The following SEPHS1 variants were observed in gnomAD, a reference collection of about 807,000 sequenced individuals.
The protein encoded by SEPHS1 is zincore component SEPHS1.
A neutral mutation model predicts 39.2 loss-of-function variants in SEPHS1; 7 were observed. The ratio of observed to expected loss-of-function variants is 0.18; its 90% confidence interval spans 0.10 to 0.34. The LOEUF (loss-of-function observed/expected upper bound fraction) is 0.34. SEPHS1 is among the 10% of genes least tolerant of loss of function. SEPHS1 has a pLI of 1.00. For synonymous variants in SEPHS1, 190 were observed against 195.5 expected (o/e 0.97, Z 0.23); for missense variants, 253 against 514.5 (o/e 0.49, Z 4.92).
At chr10:13,325,170 C>T (rs957047306) in intron 7 of SEPHS1, among the ~76,000 whole-genome samples, 12 of 152,064 alleles carry the variant, frequency 7.9e-5, no homozygotes, top group Admixed American at 2.0e-4. Flanking sequence ...TTAATAAAGC[C>T]AAACTTAGCA....
At chr10:13,346,010 CTGA>C (rs376743397) in intron 1 of SEPHS1, among the ~76,000 whole-genome samples, 314 of 152,402 alleles carry the variant, frequency 2.1e-3, no homozygotes, top group African/African-American at 7.1e-3. Flanking sequence ...GGAAAGTTCT[CTGA>C]TGTTTTCACG....
intron 1 of SEPHS1, among the ~76,000 whole-genome samples, chr10:13,347,664 G>GGCCGCCGCC (rs767115383): frequency 6.8e-6 from 1 of 146,022 alleles, no homozygotes; most frequent in Non-Finnish European, 1.5e-5. Context: ...CGCGCGCACG[G>GGCCGCCGCC]GCCGCCGCCG....
At position 13,338,780 on chromosome 10, in the gene SEPHS1, A is replaced by G. The variant is rs1202859880; in HGVS notation, c.222T>C (p.Pro74=). 6.2e-7 allele frequency: 1 copy of G among 1,614,044 alleles called. No homozygotes were observed. The highest frequency in any genetic ancestry group is 1.3e-5 in the African/African-American group (1 of 74,940). ...CCAAGGAAAGCCCACCGTGCCTCAA[A>G]GGAATGACACAAGTATCCATTCCAA... ...LGIGMDTCVI[P]LRHGGLSLVQ... The change falls in exon 3 of 9, where the codon CCT becomes CCC. Residue 74 remains proline, a synonymous_variant. Coordinates refer to ENST00000327347, the MANE Select transcript of SEPHS1 (RefSeq NM_012247.5).
intron 1 of SEPHS1, among the ~76,000 whole-genome samples, chr10:13,346,437 C>G (rs1833923975): frequency 6.6e-6 from 1 of 152,134 alleles, no homozygotes; most frequent in Non-Finnish European, 1.5e-5. Flanking sequence ...GGCAGTAATC[C>G]AAACCGTCTT....
At chr10:13,338,078 C>T (rs916504924) in intron 3 of SEPHS1, among the ~76,000 whole-genome samples, 3 of 152,182 alleles carry the variant, frequency 2.0e-5, no homozygotes, top group Non-Finnish European at 2.9e-5. Flanking sequence ...GCTGCAACTA[C>T]GCAGTAAACA....
Position 13,332,607 on chromosome 10 carries a change from G to T in SEPHS1, c.560+1210C>A, listed in dbSNP as rs549946662. 5.3e-5 allele frequency among the ~76,000 whole-genome samples: 8 copies of T among 152,288 alleles called. No individual in the cohort carries two copies. The East Asian group carries it at 1.5e-3, about 29-fold the overall frequency. On this transcript the variant is annotated intron_variant, in intron 5 of 8. Coordinates refer to ENST00000327347, the MANE Select transcript of SEPHS1 (RefSeq NM_012247.5). ...GCCTGTAATCCCAGCACTTTGGGAGGCTGAGGCGGTCGGATCATGAGATCA... is the reference window on the plus strand; with the variant it reads ...GCCTGTAATCCCAGCACTTTGGGAGTCTGAGGCGGTCGGATCATGAGATCA...
At chr10:13,338,872 C>T (rs772479547) in intron 2 of SEPHS1, 64 bp from the exon 3 acceptor site, 20 of 1,175,072 alleles carry the variant, frequency 1.7e-5, no homozygotes, top group Middle Eastern at 1.9e-4. Flanking sequence ...TTTTATATCA[C>T]CAGTGCTCTG....
At chr10:13,336,101 A>G (rs1833624670) in intron 4 of SEPHS1, 142 bp downstream of exon 4, 3 of 544,754 alleles carry the variant, frequency 5.5e-6, no homozygotes. Context: ...GGTAACTGCC[A>G]AAAAGTGGAG....
intron 5 of SEPHS1, among the ~76,000 whole-genome samples, chr10:13,332,202 C>T (rs780429033): frequency 3.3e-5 from 5 of 152,186 alleles, no homozygotes; most frequent in Non-Finnish European, 7.3e-5. Flanking sequence ...GAAAGGAATG[C>T]GATACCGATT....
At chr10:13,346,548 A>C (rs1833927936) in intron 1 of SEPHS1, among the ~76,000 whole-genome samples, 1 of 152,224 alleles carries the variant, frequency 6.6e-6, no homozygotes, top group Admixed American at 6.5e-5. Context: ...CTCCCTGCCC[A>C]AAAAGAGCAG....
chr10:13,325,177 A>G (rs1391885603), intron 7 of SEPHS1, among the ~76,000 whole-genome samples: 2 of 152,240 alleles, frequency 1.3e-5, no homozygotes, highest in African/African-American at 4.8e-5. Flanking sequence ...AGCCAAACTT[A>G]GCAATTTTTT....
At chr10:13,341,304 G>A (rs1040162165) in intron 2 of SEPHS1, among the ~76,000 whole-genome samples, 1 of 152,116 alleles carries the variant, frequency 6.6e-6, no homozygotes, top group African/African-American at 2.4e-5. Flanking sequence ...CACAGGGTCG[G>A]GGAAGCCTTA....
At position 13,322,980 on chromosome 10, in the gene SEPHS1, G is replaced by C; in HGVS notation, c.819C>G (p.Gly273=). 1 of 1,614,050 alleles carries C rather than the reference G, an allele frequency of 6.2e-7. No individual in the cohort carries two copies. Among genetic ancestry groups the C allele is most frequent in the Non-Finnish European group, 8.5e-7 (1 of 1,180,006 alleles). Residue 273 remains glycine, a synonymous_variant, in exon 8 of 9, where the codon GGC becomes GGG. Coordinates refer to ENST00000327347, the MANE Select transcript of SEPHS1 (RefSeq NM_012247.5). Reference sequence around the variant, plus strand: ...GCTGCTTGGCCAGGTTCTGCGCATGGCCCAAAATCCCGAAGCCCGTGATGT... The same window carrying C: ...GCTGCTTGGCCAGGTTCTGCGCATGCCCCAAAATCCCGAAGCCCGTGATGT... The part of the protein sequence containing the change: ...ATDITGFGIL[G]HAQNLAKQQR...
chr10:13,329,593 T>C, intron 6 of SEPHS1, 105 bp downstream of exon 6: 2 of 772,400 alleles, frequency 2.6e-6, no homozygotes, highest in Non-Finnish European at 4.4e-6. Context: ...TAATATTAAC[T>C]CCCTGGATAT....
intron 5 of SEPHS1, among the ~76,000 whole-genome samples, chr10:13,333,216 C>T (rs955594447): frequency 7.2e-5 from 11 of 151,906 alleles, no homozygotes; most frequent in Admixed American, 6.6e-4. Flanking sequence ...TCACTGCAGC[C>T]GCAGCCTCCT....
intron 7 of SEPHS1, among the ~76,000 whole-genome samples, chr10:13,326,155 T>C (rs1037841737): frequency 3.3e-5 from 5 of 152,004 alleles, no homozygotes; most frequent in African/African-American, 4.8e-5. Flanking sequence ...TTTTCTCCAA[T>C]GAATTGCCTT....
At chr10:13,338,945 C>A in intron 2 of SEPHS1, 137 bp from the exon 3 acceptor site, 1 of 687,930 alleles carries the variant, frequency 1.5e-6, no homozygotes, top group East Asian at 2.6e-5. Context: ...CATGTGTTTC[C>A]TATCAAGAAG....
intron 7 of SEPHS1, among the ~76,000 whole-genome samples, chr10:13,325,895 CAAAAAAAAAAAAAAAAAAAAAAA>C (rs562038894): frequency 1.9e-4 from 5 of 26,452 alleles, no homozygotes; most frequent in Non-Finnish European, 2.9e-4. Context: ...GACTCCGTCT[CAAAAAAAAAAAAAAAAAAAAAAA>C]AAAAAAAAAA....
At chr10:13,347,013 G>A (rs997240132) in intron 1 of SEPHS1, among the ~76,000 whole-genome samples, 2 of 152,212 alleles carry the variant, frequency 1.3e-5, no homozygotes, top group African/African-American at 4.8e-5. Flanking sequence ...TGGGAAGGGG[G>A]AGGGGGTTCT....
Sources: allele counts gnomAD v4.1 joint callset (sites outside exome capture counted in the v4.1 genomes callset), GRCh38; gene constraint gnomAD v4.1.1; transcripts MANE v1.5; gene names NCBI Gene and HGNC (gene_info 2026-07-23, HGNC 2026-07-21).